Variants in YAP1 observed in about 807,000 individuals in gnomAD.
The protein encoded by YAP1 is transcriptional coactivator YAP1.
Under a neutral mutation model 56.9 loss-of-function variants are expected in YAP1, and 5 were observed. The ratio of observed to expected loss-of-function variants is 0.09; its 90% CI spans 0.05 to 0.18. YAP1 has a LOEUF of 0.18. Ranked by LOEUF, YAP1 falls within the 10% of genes least tolerant of loss-of-function variation. The pLI, the probability that YAP1 is intolerant of heterozygous loss-of-function variation, is 1.00. For synonymous variants in YAP1, 265 were observed against 248.1 expected (o/e 1.07, Z -0.64); for missense variants, 539 against 651.8 (o/e 0.83, Z 1.88).
At chr11:102,149,297 T>G (rs953916975) in intron 2 of YAP1, among the ~76,000 whole-genome samples, 1 of 152,110 alleles carries the variant, frequency 6.6e-6, no homozygotes, top group Non-Finnish European at 1.5e-5. Flanking sequence ...GAAGAAGCTG[T>G]AGGATAAGAG....
At chr11:102,121,268 T>C (rs957735096) in intron 2 of YAP1, among the ~76,000 whole-genome samples, 1 of 151,876 alleles carries the variant, frequency 6.6e-6, no homozygotes, top group Non-Finnish European at 1.5e-5. Flanking sequence ...CAAGATCTCA[T>C]CTCTATTAAA....
intron 6 of YAP1, among the ~76,000 whole-genome samples, chr11:102,219,434 G>A (rs1044389294): frequency 1.6e-4 from 25 of 152,128 alleles, no homozygotes; most frequent in Admixed American, 6.5e-5. Flanking sequence ...ACCACGGAGA[G>A]TTTCTTCAAA....
Position 102,162,530 on chromosome 11 carries a change from C to A in YAP1, c.647C>A (p.Thr216Asn). ...MLSQMNVTAP[T>N]SPPVQQNMMN... The stretch of plus-strand genomic sequence containing the variant: ...TCCCAGATGAACGTCACAGCCCCCA[C>A]CAGTCCACCAGTGCAGCAGAATATG... Residue 216 changes from threonine (T) to asparagine (N), a missense_variant, in exon 3 of 9, where the codon ACC becomes AAC. By Grantham distance (65) the Thr-to-Asn change is moderately conservative. Around this residue, in one of 4 missense-constraint regions of YAP1, gnomAD observed 414 missense variants for 512.4 expected, o/e 0.81. Coordinates refer to ENST00000282441, the MANE Select transcript of YAP1 (RefSeq NM_001130145.3). 1 of 1,614,204 alleles carries A rather than the reference C, an allele frequency of 6.2e-7. No individual in the cohort carries two copies. The highest frequency in any genetic ancestry group is 8.5e-7 in the Non-Finnish European group (1 of 1,180,026).
intron 3 of YAP1, among the ~76,000 whole-genome samples, chr11:102,167,773 C>G (rs1189008417): frequency 1.3e-5 from 2 of 152,158 alleles, no homozygotes; most frequent in Non-Finnish European, 2.9e-5. Flanking sequence ...TGTGGTCGTT[C>G]ATGCCTATAA....
intron 6 of YAP1, among the ~76,000 whole-genome samples, chr11:102,220,307 CCAAGAA>C (rs1949861784): frequency 2.0e-5 from 3 of 151,962 alleles, no homozygotes; most frequent in Admixed American, 2.0e-4. Context: ...AAACAACTGA[CCAAGAA>C]CAAAACAAAA....
chr11:102,226,911 A>G (rs1029979852), intron 7 of YAP1: 2 of 152,526 alleles, frequency 1.3e-5, no homozygotes, highest in Admixed American at 6.5e-5. Context: ...GCTCAGTCCT[A>G]AAAGGAATTC....
At chr11:102,165,316 C>T (rs528492629) in intron 3 of YAP1, among the ~76,000 whole-genome samples, 2 of 152,268 alleles carry the variant, frequency 1.3e-5, no homozygotes, top group East Asian at 1.9e-4. Context: ...CCTGTGATTG[C>T]ACCACCATAC....
At chr11:102,193,186 G>A (rs1370076941) in intron 4 of YAP1, among the ~76,000 whole-genome samples, 1 of 152,184 alleles carries the variant, frequency 6.6e-6, no homozygotes, top group East Asian at 1.9e-4. Flanking sequence ...CATACCAATA[G>A]AGATTGTTAG....
chr11:102,179,788 A>G (rs757387103), intron 3 of YAP1, among the ~76,000 whole-genome samples: 9 of 152,108 alleles, frequency 5.9e-5, no homozygotes, highest in Non-Finnish European at 1.3e-4. Context: ...GATAGGGACT[A>G]TGTTGTTTAT....
intron 2 of YAP1, among the ~76,000 whole-genome samples, chr11:102,150,222 G>C (rs963023812): frequency 7.2e-5 from 11 of 151,946 alleles, no homozygotes; most frequent in Admixed American, 4.6e-4. Context: ...GAGCTCAGGT[G>C]ATCCTCCCGC....
intron 3 of YAP1, among the ~76,000 whole-genome samples, chr11:102,178,081 A>G (rs914418505): frequency 6.6e-6 from 1 of 152,186 alleles, no homozygotes; most frequent in Non-Finnish European, 1.5e-5. Context: ...AGTGGGTATA[A>G]TAATAGTACC....
intron 2 of YAP1, among the ~76,000 whole-genome samples, chr11:102,115,748 A>C (rs1943243183): frequency 6.6e-6 from 1 of 152,218 alleles, no homozygotes; most frequent in Non-Finnish European, 1.5e-5. Context: ...GTTCTCAAGC[A>C]GACATCCAAA....
rs570460836 is a variant in YAP1, at chr11:102,114,801, A to G, written c.572+407A>G. Among the ~76,000 whole-genome samples, 8 of 152,328 alleles carry G rather than the reference A, an allele frequency of 5.3e-5. No individual in the cohort carries two copies. The South Asian group carries it at 1.4e-3, about 28-fold the overall frequency. ...TATGGTGCTACTTGTATCTTTTTAA[A>G]TAAATATTTTATTGGTAGAGAACTA... On this transcript the variant is annotated intron_variant, in intron 2 of 8. Coordinates refer to ENST00000282441, the MANE Select transcript of YAP1 (RefSeq NM_001130145.3).
chr11:102,137,890 C>CT (rs573135137), intron 2 of YAP1, among the ~76,000 whole-genome samples: 49 of 146,670 alleles, frequency 3.3e-4, no homozygotes, highest in African/African-American at 1.1e-3. Context: ...TTTTTTTTTT[C>CT]TTTTTTTAAA....
At chr11:102,126,436 C>T (rs1424231659) in intron 2 of YAP1, among the ~76,000 whole-genome samples, 5 of 152,120 alleles carry the variant, frequency 3.3e-5, no homozygotes, top group South Asian at 4.1e-4. Context: ...GTGCTATTCT[C>T]GTGATAGTGA....
chr11:102,186,957 A>G (rs183553386), intron 4 of YAP1, among the ~76,000 whole-genome samples: 2 of 152,148 alleles, frequency 1.3e-5, no homozygotes, highest in African/African-American at 2.4e-5. Flanking sequence ...TTCATCTTGG[A>G]CTAGATGCAG....
chr11:102,154,460 T>TA (rs1304604676), intron 2 of YAP1, among the ~76,000 whole-genome samples: 18 of 151,372 alleles, frequency 1.2e-4, no homozygotes, highest in South Asian at 2.1e-4. Context: ...TTATTTTCTT[T>TA]AAAAAAAAAT....
intron 2 of YAP1, among the ~76,000 whole-genome samples, chr11:102,157,296 G>C (rs1946011851): frequency 6.6e-6 from 1 of 152,192 alleles, no homozygotes. Context: ...AAAGCCTATA[G>C]TTGTGGTTTA....
chr11:102,127,478 G>C (rs1252887104), intron 2 of YAP1, among the ~76,000 whole-genome samples: 4 of 151,136 alleles, frequency 2.6e-5, no homozygotes, highest in Non-Finnish European at 5.9e-5. Flanking sequence ...TGAGAGTGCA[G>C]TTGCACAGAA....
Sources: allele counts gnomAD v4.1 joint callset (sites outside exome capture counted in the v4.1 genomes callset), GRCh38; gene constraint gnomAD v4.1.1; regional missense constraint gnomAD v4.1.1; transcripts MANE v1.5; gene names NCBI Gene and HGNC (gene_info 2026-07-23, HGNC 2026-07-21).